ZFHX3: variants seen among roughly 807,000 people sequenced by gnomAD.
ZFHX3 encodes the protein zinc finger homeobox 3.
ZFHX3 carries 42 observed loss-of-function variants against 279.1 expected under a neutral mutation model. That is an observed-to-expected ratio of 0.15 (90% CI 0.12 to 0.19). The LOEUF (loss-of-function observed/expected upper bound fraction) is 0.19. Among genes scored for constraint, ZFHX3 ranks in the 10% least tolerant of loss-of-function variants. The probability of loss-of-function intolerance (pLI) is 1.00; values close to 1 mark genes in which losing one functional copy is unlikely to be tolerated. For synonymous variants in ZFHX3, 2,293 were observed against 1,957.8 expected (o/e 1.17, Z -4.52); for missense variants, 4,981 against 4,754.0 (o/e 1.05, Z -1.40).
Position 72,985,909 on chromosome 16 carries a change from T to C in ZFHX3, c.-49-25715A>G, listed in dbSNP as rs1253904193. On this transcript the variant is annotated intron_variant, in intron 1 of 9. Coordinates refer to ENST00000268489, the MANE Select transcript of ZFHX3 (RefSeq NM_006885.4). The stretch of plus-strand genomic sequence containing the variant: ...TACTAAAGCAGTGTAAGCCACAATA[T>C]TGATTGCCAAGCAGATGATAAAACT... Among the ~76,000 whole-genome samples the C allele has an allele frequency of 3.3e-5, 5 of 152,056 alleles. No individual in the cohort carries two copies. In the South Asian group the frequency reaches 6.2e-4, roughly 19 times the overall value.
intron 1 of ZFHX3, among the ~76,000 whole-genome samples, chr16:73,854,492 C>A (rs1193279308): frequency 1.3e-5 from 2 of 151,996 alleles, no homozygotes; most frequent in African/African-American, 2.4e-5. Flanking sequence ...CCACTGCACT[C>A]CAGCCTAGGC....
intron 3 of ZFHX3, among the ~76,000 whole-genome samples, chr16:73,358,785 T>G (rs1044897133): frequency 6.6e-6 from 1 of 152,214 alleles, no homozygotes; most frequent in Non-Finnish European, 1.5e-5. Flanking sequence ...GAGCAGGGCC[T>G]CTGAAGTCAG....
chr16:73,165,492 C>T (rs989234123), intron 5 of ZFHX3, among the ~76,000 whole-genome samples: 1 of 152,060 alleles, frequency 6.6e-6, no homozygotes, highest in African/African-American at 2.4e-5. Context: ...GGAGTTGTTG[C>T]GGAGGAATCA....
intron 1 of ZFHX3, among the ~76,000 whole-genome samples, chr16:73,037,355 T>C (rs8049950): frequency 1.3e-5 from 2 of 152,174 alleles, no homozygotes; most frequent in Non-Finnish European, 2.9e-5. Flanking sequence ...TCAGAGGAGA[T>C]ATGAAATGTC....
intron 1 of ZFHX3, among the ~76,000 whole-genome samples, chr16:73,770,165 T>A (rs1057113274): frequency 6.6e-6 from 1 of 152,350 alleles, no homozygotes; most frequent in African/African-American, 2.4e-5. Flanking sequence ...TTGCAATTGG[T>A]CCAGTGTAAT....
At chr16:73,123,085 C>T (rs947565914) in intron 7 of ZFHX3, among the ~76,000 whole-genome samples, 1 of 151,836 alleles carries the variant, frequency 6.6e-6, no homozygotes, top group African/African-American at 2.4e-5. Flanking sequence ...GGACACTCCC[C>T]ACCCTCTAAA....
intron 1 of ZFHX3, among the ~76,000 whole-genome samples, chr16:73,820,440 T>C (rs1329337346): frequency 2.0e-5 from 3 of 152,078 alleles, no homozygotes; most frequent in East Asian, 1.9e-4. Flanking sequence ...TCATGGAACA[T>C]TGCCTCTCAG....
chr16:72,905,614 G>C (rs1165591254), intron 3 of ZFHX3, among the ~76,000 whole-genome samples: 2 of 152,140 alleles, frequency 1.3e-5, no homozygotes, highest in Non-Finnish European at 2.9e-5. Context: ...CAGGCTGTCA[G>C]AATTCTACAT....
At chr16:73,026,505 C>T (rs536890971) in intron 1 of ZFHX3, among the ~76,000 whole-genome samples, 17 of 150,946 alleles carry the variant, frequency 1.1e-4, no homozygotes, top group African/African-American at 3.4e-4. Context: ...AACCCTGTCT[C>T]TACTAAATAC....
At chr16:73,725,912 A>G (rs572093161) in intron 1 of ZFHX3, among the ~76,000 whole-genome samples, 8 of 152,170 alleles carry the variant, frequency 5.3e-5, no homozygotes, top group Non-Finnish European at 1.0e-4. Flanking sequence ...TTATGGGGAA[A>G]GGAGATATTT....
chr16:73,352,158 C>A (rs1020572842), intron 3 of ZFHX3, among the ~76,000 whole-genome samples: 1 of 152,124 alleles, frequency 6.6e-6, no homozygotes, highest in Non-Finnish European at 1.5e-5. Flanking sequence ...TATACACAGC[C>A]TTTTAGCTCA....
intron 2 of ZFHX3, among the ~76,000 whole-genome samples, chr16:73,534,853 T>G (rs977835824): frequency 2.0e-5 from 3 of 152,146 alleles, no homozygotes; most frequent in African/African-American, 7.2e-5. Context: ...TAAGGAAACC[T>G]TTAGATTTTG....
intron 2 of ZFHX3, among the ~76,000 whole-genome samples, chr16:73,562,510 G>A (rs145715101): frequency 9.2e-5 from 14 of 151,618 alleles, no homozygotes; most frequent in Admixed American, 2.6e-4. Context: ...GCGGGAGAAT[G>A]GCGTGAACCT....
chr16:72,949,227 T>C (rs369233018), intron 3 of ZFHX3, among the ~76,000 whole-genome samples: 159 of 152,324 alleles, frequency 1.0e-3, no homozygotes, highest in Non-Finnish European at 1.0e-3. Context: ...TTTAAAATCA[T>C]TCTGAGTAGA....
At chr16:73,538,199 G>T (rs562553800) in intron 2 of ZFHX3, among the ~76,000 whole-genome samples, 41 of 151,888 alleles carry the variant, frequency 2.7e-4, no homozygotes, top group African/African-American at 9.7e-4. Flanking sequence ...TTGTGTGTGT[G>T]TTTTTTAACA....
chr16:73,456,108 G>A (rs1372226660), exon 3 of ZFHX3: 1 of 152,038 alleles, frequency 6.6e-6, no homozygotes, highest in Non-Finnish European at 1.5e-5. Context: ...CGTCTAACGG[G>A]GCCAGCGGGC....
intron 5 of ZFHX3, among the ~76,000 whole-genome samples, chr16:73,179,976 C>A (rs1967756353): frequency 1.3e-5 from 2 of 152,164 alleles, no homozygotes. Flanking sequence ...GGAAAAAACA[C>A]ACAGCAGGCC....
chr16:73,674,577 C>T (rs1462657951), intron 2 of ZFHX3, among the ~76,000 whole-genome samples: 2 of 152,148 alleles, frequency 1.3e-5, no homozygotes, highest in Non-Finnish European at 2.9e-5. Flanking sequence ...TCACATTTGC[C>T]CCATTGCTGT....
chr16:73,106,626 G>C (rs1966308478), intron 7 of ZFHX3, among the ~76,000 whole-genome samples: 1 of 152,208 alleles, frequency 6.6e-6, no homozygotes, highest in Admixed American at 6.5e-5. Flanking sequence ...GCAATAACTA[G>C]AGAGGCTGTT....
Sources: allele counts gnomAD v4.1 joint callset (sites outside exome capture counted in the v4.1 genomes callset), GRCh38; gene constraint gnomAD v4.1.1; transcripts MANE v1.5; gene names NCBI Gene and HGNC (gene_info 2026-07-23, HGNC 2026-07-21).